Variants in DCDC1 observed in about 807,000 individuals in gnomAD.
DCDC1 encodes doublecortin domain-containing protein 1.
Under a neutral mutation model 178.3 loss-of-function variants are expected in DCDC1, and 200 were observed. The ratio of observed to expected loss-of-function variants is 1.12; its 90% CI spans 1.00 to 1.26. The LOEUF (loss-of-function observed/expected upper bound fraction) is 1.26, where lower values mean the gene tolerates loss of function less well. DCDC1 is among the 50% of genes most tolerant of loss of function. The pLI, the probability that DCDC1 is intolerant of heterozygous loss-of-function variation, is 0.00. For missense variants in DCDC1, 1,983 were observed against 1,749.2 expected (o/e 1.13, Z -2.38); for synonymous variants, 690 against 604.8 (o/e 1.14, Z -2.07).
chr11:31,098,697 C>A (rs1322049429), intron 15 of DCDC1, among the ~76,000 whole-genome samples: 1 of 152,202 alleles, frequency 6.6e-6, no homozygotes, highest in Non-Finnish European at 1.5e-5. Context: ...TCCATCACCT[C>A]TGCCTGAATC....
chr11:31,012,095 C>T (rs780665123), intron 20 of DCDC1, among the ~76,000 whole-genome samples: 10 of 152,258 alleles, frequency 6.6e-5, no homozygotes, highest in African/African-American at 1.9e-4. Flanking sequence ...GTAAGACATG[C>T]GTCTTCCTCT....
intron 9 of DCDC1, among the ~76,000 whole-genome samples, chr11:31,198,838 C>A (rs1351845830): frequency 2.0e-5 from 3 of 151,920 alleles, no homozygotes; most frequent in African/African-American, 7.3e-5. Context: ...TGTTTCTGAA[C>A]TTACAGTTCA....
chr11:30,898,996 G>T (rs923321626), intron 34 of DCDC1, among the ~76,000 whole-genome samples: 1 of 152,098 alleles, frequency 6.6e-6, no homozygotes, highest in Non-Finnish European at 1.5e-5. Context: ...GGAAGAAGGA[G>T]ACCAATAATT....
At chr11:31,322,292 T>A (rs1434581505) in intron 3 of DCDC1, among the ~76,000 whole-genome samples, 1 of 152,106 alleles carries the variant, frequency 6.6e-6, no homozygotes, top group East Asian at 1.9e-4. Flanking sequence ...AGAAATAAAA[T>A]AAAAGAAAGC....
intron 20 of DCDC1, among the ~76,000 whole-genome samples, chr11:31,056,414 A>G (rs1955588032): frequency 6.6e-6 from 1 of 152,108 alleles, no homozygotes; most frequent in Non-Finnish European, 1.5e-5. Context: ...AGAGATTGTA[A>G]TACTGCACTA....
intron 11 of DCDC1, among the ~76,000 whole-genome samples, chr11:31,125,710 G>T (rs1961508862): frequency 6.6e-6 from 1 of 152,146 alleles, no homozygotes; most frequent in African/African-American, 2.4e-5. Context: ...TCACTTATAA[G>T]TCAGAGATGA....
chr11:31,357,579 T>G (rs1294015326), intron 1 of DCDC1, among the ~76,000 whole-genome samples: 2 of 152,130 alleles, frequency 1.3e-5, no homozygotes, highest in African/African-American at 2.4e-5. Context: ...TGTTGGAAGT[T>G]CTGGCCAGGG....
chr11:31,114,376 G>A lies in DCDC1; in HGVS notation c.1486-4015C>T, dbSNP rs142670209. Among the ~76,000 whole-genome samples the A allele has an allele frequency of 5.3e-4, 81 of 152,232 alleles. 1 individual carries two copies. Among genetic ancestry groups the A allele is most frequent in the Non-Finnish European group, 8.7e-4 (59 of 68,002 alleles). Reference sequence around the variant, plus strand: ...GCCCTAAAGCTTAAGTTTCATTAGCGTCATGGTAAATGCACCCTGTGTAGG... The same window carrying A: ...GCCCTAAAGCTTAAGTTTCATTAGCATCATGGTAAATGCACCCTGTGTAGG... On this transcript the variant is annotated intron_variant, in intron 11 of 38. Transcript: ENST00000684477.
At chr11:31,299,061 T>C (rs1947908748) in intron 6 of DCDC1, among the ~76,000 whole-genome samples, 1 of 152,214 alleles carries the variant, frequency 6.6e-6, no homozygotes, top group East Asian at 1.9e-4. Context: ...TATTCAATTA[T>C]ATCATCTACC....
At chr11:31,328,057 T>G in intron 3 of DCDC1, 60 bp downstream of exon 3, 17 of 1,473,808 alleles carry the variant, frequency 1.2e-5, no homozygotes, top group Non-Finnish European at 1.5e-5. Flanking sequence ...TAAACTACTT[T>G]CTATAAACAC....
intron 9 of DCDC1, among the ~76,000 whole-genome samples, chr11:31,216,901 C>T (rs901976516): frequency 2.0e-5 from 3 of 152,152 alleles, no homozygotes; most frequent in Non-Finnish European, 4.4e-5. Context: ...AAATCAGTTC[C>T]TCTCATCCCT....
rs4067986 is a variant in DCDC1, at chr11:31,022,643, T to TTGTGTGTGTGTGTG, written c.2591+41812_2591+41825dup. On this transcript the variant is annotated intron_variant, in intron 20 of 38. Transcript: ENST00000684477. ...TCTTGTTTATCTAGTGTCTTTTAGT[T>TTGTGTGTGTGTGTG]TGTGTGTGTGTGTGTGTGTGTGTGT... Among the ~76,000 whole-genome samples, 395 of 121,024 alleles carry TTGTGTGTGTGTGTG rather than the reference T, an allele frequency of 3.3e-3. 3 individuals are homozygous for TTGTGTGTGTGTGTG. The highest frequency in any genetic ancestry group is 0.011 in the African/African-American group (344 of 30,420). 79.4% of individuals were successfully genotyped at this position (121,024 alleles called of 152,430 possible).
intron 10 of DCDC1, among the ~76,000 whole-genome samples, chr11:31,137,234 A>T (rs1963244377): frequency 6.6e-6 from 1 of 152,124 alleles, no homozygotes; most frequent in African/African-American, 2.4e-5. Context: ...ATATCAATAA[A>T]ATGATACCCG....
chr11:31,150,337 T>A (rs1965021525), intron 9 of DCDC1, among the ~76,000 whole-genome samples: 2 of 152,184 alleles, frequency 1.3e-5, no homozygotes, highest in South Asian at 4.1e-4. Flanking sequence ...TAGAATATCA[T>A]CATCTATTTA....
intron 9 of DCDC1, among the ~76,000 whole-genome samples, chr11:31,164,964 T>G (rs1966641949): frequency 6.6e-6 from 1 of 152,190 alleles, no homozygotes; most frequent in Non-Finnish European, 1.5e-5. Context: ...TTACTGTACC[T>G]TTTCTCAGTT....
At chr11:30,884,467 A>C (rs1236368393) in intron 36 of DCDC1, among the ~76,000 whole-genome samples, 2 of 152,202 alleles carry the variant, frequency 1.3e-5, no homozygotes, top group Non-Finnish European at 2.9e-5. Context: ...GAGTAAGCAA[A>C]ATCACCATCA....
At chr11:31,085,035 A>G (rs1010551106) in intron 17 of DCDC1, among the ~76,000 whole-genome samples, 2 of 151,616 alleles carry the variant, frequency 1.3e-5, no homozygotes, top group East Asian at 3.9e-4. Context: ...ATAACTTTCC[A>G]ATCACCTGCC....
intron 20 of DCDC1, among the ~76,000 whole-genome samples, chr11:31,042,750 C>A (rs966689875): frequency 1.3e-5 from 2 of 152,166 alleles, no homozygotes; most frequent in Non-Finnish European, 2.9e-5. Context: ...GTATCCTTCA[C>A]CATCCTCTGG....
intron 38 of DCDC1, among the ~76,000 whole-genome samples, chr11:30,873,079 GTCTCTC>G (rs887060085): frequency 6.7e-6 from 1 of 148,420 alleles, no homozygotes; most frequent in Admixed American, 6.8e-5. Flanking sequence ...CTCTCTCTCT[GTCTCTC>G]TCTCTGTCTC....
Sources: allele counts gnomAD v4.1 joint callset (sites outside exome capture counted in the v4.1 genomes callset), GRCh38; gene constraint gnomAD v4.1.1; transcripts MANE v1.5; gene names NCBI Gene and HGNC (gene_info 2026-07-23, HGNC 2026-07-21).